The following ACRBP variants were observed in gnomAD, a reference collection of about 807,000 sequenced individuals.
ACRBP encodes acrosin binding protein, also known as acrosin-binding protein.
In ACRBP, 52 loss-of-function variants were observed where a neutral mutation model predicts 69.0. The observed-to-expected ratio is 0.75, with a 90% confidence interval of 0.60 to 0.95. The LOEUF is 0.95. Among genes scored for constraint, ACRBP ranks in the 40% least tolerant of loss-of-function variants. ACRBP has a pLI of 0.00. For missense variants in ACRBP, 604 were observed against 673.0 expected, an observed-to-expected ratio of 0.90 and a Z score of 1.13; for synonymous variants, 267 against 258.9, an observed-to-expected ratio of 1.03 and a Z score of -0.30.
intron 9 of ACRBP, 136 bp downstream of exon 9, chr12:6,638,818 G>T: frequency 6.6e-7 from 1 of 1,509,348 alleles, no homozygotes; most frequent in Non-Finnish European, 8.8e-7. Context: ...GCTGGTGGAG[G>T]CCTCTGCCCC....
In ACRBP at chr12:6,640,491, G is replaced by A; in HGVS notation, c.1109C>T (p.Ser370Phe). Residue 370 changes from serine to phenylalanine, a missense_variant, in exon 7 of 10, where the codon TCT (serine) becomes TTT (phenylalanine). Physicochemically the swap from Ser to Phe is radical, Grantham distance 155. Around this residue, in one of 3 missense-constraint regions of ACRBP, gnomAD observed 532 missense variants for 562.9 expected, o/e 0.95. Coordinates refer to ENST00000229243, the MANE Select transcript of ACRBP (RefSeq NM_032489.3). The surrounding 1 kb of genome is among the most constrained non-coding windows in gnomAD (Gnocchi z 5.3). ...GCAGAAGTCACAGAGGGCACAGGTA[G>A]ACATGTGTCGCCGCCCAAGGCTGTC... Reference protein sequence around the residue: ...VCDSLGRRHMSTCALCDFCSL... With the variant: ...VCDSLGRRHMFTCALCDFCSL... The A allele has an allele frequency of 1.2e-6, 2 of 1,614,114 alleles. No homozygotes were observed. The highest frequency in any genetic ancestry group is 2.2e-5 in the East Asian group (1 of 44,880).
chr12:6,638,115 G>T lies in ACRBP; in HGVS notation c.*167C>A. On this transcript the variant is annotated 3_prime_UTR_variant, in exon 10 of 10. Transcript: ENST00000229243. ...TATGTAAAGTCATCTTTTAAGGAGGGCGCAGCTCCCACCGTGGCCCTCTCT... is the reference window on the plus strand; with the variant it reads ...TATGTAAAGTCATCTTTTAAGGAGGTCGCAGCTCCCACCGTGGCCCTCTCT... The T allele has an allele frequency of 2.3e-6, 2 of 874,414 alleles. No homozygotes were observed. The highest frequency in any genetic ancestry group is 3.5e-6 in the Non-Finnish European group (2 of 572,040). The allele number at this position is 874,414 out of a possible 1,614,324, so 54.2% of individuals were successfully genotyped here.
chr12:6,646,454 C>A lies in ACRBP; in HGVS notation c.357+29G>T, dbSNP rs1949089702. On this transcript the variant is annotated intron_variant, in intron 3 of 9. Coordinates refer to ENST00000229243, the MANE Select transcript of ACRBP (RefSeq NM_032489.3). ...CCGCCTCTCCCTTGGCCCTGGGGCA[C>A]CAAATCCAACCTTTGTCCTGGGCCT... is the stretch of plus-strand genomic sequence containing the variant. The A allele has an allele frequency of 3.1e-6, 5 of 1,608,156 alleles. No individual in the cohort carries two copies. The East Asian group carries it at 1.1e-4, about 36-fold the overall frequency.
intron 9 of ACRBP, 81 bp downstream of exon 9, chr12:6,638,873 G>C: frequency 1.9e-6 from 3 of 1,595,076 alleles, no homozygotes; most frequent in African/African-American, 1.3e-5. Context: ...GCTGCTCGCA[G>C]AGGGGGCCTC....
intron 5 of ACRBP, 173 bp downstream of exon 5, chr12:6,643,964 G>A (rs1227293023): frequency 1.1e-5 from 14 of 1,288,366 alleles, no homozygotes; most frequent in Non-Finnish European, 1.5e-5. Flanking sequence ...AAGCATTTGA[G>A]CAGTGCTTAA....
chr12:6,647,287 CG>C, intron 1 of ACRBP, 36 bp downstream of exon 1: 1 of 1,539,764 alleles, frequency 6.5e-7, no homozygotes, highest in Non-Finnish European at 8.7e-7. Context: ...AGGACTAGCC[CG>C]GGGAGAGTCT....
rs371593728 is a variant in ACRBP at position 6,640,332 on chromosome 12, G to A, written c.1257+11C>T. ...TCTGCCTTTCCCACTGCGGGCTGCC[G>A]GGCTAGATACCTGGTTGCCGATGGA... On this transcript the variant is annotated intron_variant, in intron 7 of 9. Coordinates refer to ENST00000229243, the MANE Select transcript of ACRBP (RefSeq NM_032489.3). This position sits in a 1 kb window ranked among gnomAD's most constrained non-coding sequence, Gnocchi z 5.3. The A allele has an allele frequency of 6.4e-4, 1,025 of 1,610,184 alleles. No individual in the cohort carries two copies. Among genetic ancestry groups the A allele is most frequent in the Non-Finnish European group, 8.2e-4 (961 of 1,177,974 alleles).
chr12:6,642,332 C>G (rs373988647), intron 6 of ACRBP, among the ~76,000 whole-genome samples: 9 of 152,170 alleles, frequency 5.9e-5, no homozygotes, highest in African/African-American at 2.2e-4. Context: ...ACATTTAGGT[C>G]TTTGATCCAT....
intron 9 of ACRBP, 198 bp downstream of exon 9, chr12:6,638,756 C>T (rs767018306): frequency 1.5e-4 from 214 of 1,437,200 alleles, no homozygotes; most frequent in Admixed American, 3.4e-4. Context: ...TATCCACCAG[C>T]TGCCTAGGAG....
In ACRBP at chr12:6,638,318, C is replaced by T; in HGVS notation, c.1596G>A (p.Gln532=). The part of the protein sequence containing the change: ...KSEDVVLRWS[Q]EFSTLTLGQF... ...GGCCTAGAGTCAAGGTGCTGAACTC[C>T]TGGCTCCATCGAAGCACAACGTCCT... The change falls in exon 10 of 10, where the codon CAG becomes CAA. Residue 532 remains glutamine, a synonymous_variant. Coordinates refer to ENST00000229243, the MANE Select transcript of ACRBP (RefSeq NM_032489.3). 1.9e-6 allele frequency: 3 copies of T among 1,614,160 alleles called. No homozygotes were observed. The highest frequency in any genetic ancestry group is 1.3e-5 in the African/African-American group (1 of 75,038).
At chr12:6,645,477 C>G (rs1230374672) in intron 3 of ACRBP, 140 bp from the exon 4 acceptor site, 2 of 658,190 alleles carry the variant, frequency 3.0e-6, no homozygotes, top group Non-Finnish European at 5.3e-6. Flanking sequence ...CTGCTGGAAC[C>G]CTCTAGACCT....
chr12:6,638,943 G>A lies in ACRBP; in HGVS notation c.1509+11C>T. ...TGCTGGGAGAAGGAGGGGCAGGGCA[G>A]GGGTGCTCACCTTCCGATTGCGGTT... On this transcript the variant is annotated intron_variant, in intron 9 of 9. Coordinates refer to ENST00000229243, the MANE Select transcript of ACRBP (RefSeq NM_032489.3). The A allele has an allele frequency of 1.9e-6, 3 of 1,613,352 alleles. No individual in the cohort carries two copies. The highest frequency in any genetic ancestry group is 1.1e-5 in the South Asian group (1 of 91,050).
At position 6,647,316 on chromosome 12, in the gene ACRBP, C is replaced by T. The variant is rs1251694688; in HGVS notation, c.43+8G>A. ...GAGAGTCTGTTGGAGCAGGTGTAAACCTCTCACCCTTCAGGAGTGAGGGAA... is the reference window on the plus strand; with the variant it reads ...GAGAGTCTGTTGGAGCAGGTGTAAATCTCTCACCCTTCAGGAGTGAGGGAA... On this transcript the variant is annotated splice_region_variant and intron_variant, in intron 1 of 9. Transcript: ENST00000229243. 1 of 1,554,246 alleles carries T rather than the reference C, an allele frequency of 6.4e-7. No individual in the cohort carries two copies. Among genetic ancestry groups the T allele is most frequent in the Admixed American group, 2.0e-5 (1 of 48,972 alleles).
Position 6,644,157 on chromosome 12 carries a change from C to A in ACRBP, c.924G>T (p.Trp308Cys). Residue 308 changes from tryptophan (W) to cysteine (C), a missense_variant, in exon 5 of 10, where the codon TGG (tryptophan) becomes TGT (cysteine). This residue lies in a region of ACRBP where 532 missense variants were observed against 562.9 expected (regional missense o/e 0.95). Coordinates refer to ENST00000229243, the MANE Select transcript of ACRBP (RefSeq NM_032489.3). The part of the protein sequence containing the change: ...MNEIYDENSY[W>C]RNQNPGSLLQ... ...TATACCTGCCAGGGTTTTGGTTTCT[C>A]CAGTAGGAGTTCTCATCATATATTT... is the stretch of plus-strand genomic sequence containing the variant. 6.3e-7 allele frequency: 1 copy of A among 1,594,928 alleles called. No individual in the cohort carries two copies. Among genetic ancestry groups the A allele is most frequent in the South Asian group, 1.1e-5 (1 of 88,964 alleles).
Position 6,644,377 on chromosome 12 carries a change from C to T in ACRBP, c.704G>A (p.Gly235Glu), listed in dbSNP as rs761135961. 3 of 1,613,928 alleles carry T rather than the reference C, an allele frequency of 1.9e-6. No homozygotes were observed. The highest frequency in any genetic ancestry group is 2.5e-6 in the Non-Finnish European group (3 of 1,179,920). Residue 235 changes from glycine to glutamate, a missense_variant, in exon 5 of 10, where the codon GGA becomes GAA. By Grantham distance (98) the Gly-to-Glu change is moderately conservative. Coordinates refer to ENST00000229243, the MANE Select transcript of ACRBP (RefSeq NM_032489.3). ...EQEEEGKQEE[G>E]QGTKEGREAV... ...CTCCCGTCCCTCCTTAGTCCCCTGT[C>T]CTTCTTCCTGCTTTCCCTCCTCTTC...
In ACRBP at chr12:6,638,168, G is replaced by A; in HGVS notation, c.*114C>T. 6.9e-7 allele frequency: 1 copy of A among 1,458,916 alleles called. No individual in the cohort carries two copies. The highest frequency in any genetic ancestry group is 9.3e-7 in the Non-Finnish European group (1 of 1,071,594). The allele number at this position is 1,458,916 out of a possible 1,614,324, so 90.4% of individuals were successfully genotyped here. ...GACTGTTGCTCCAACCCAAGGAAAT[G>A]TGAGTAGGGGCCGAGTAACAGACCC... On this transcript the variant is annotated 3_prime_UTR_variant, in exon 10 of 10. Transcript: ENST00000229243.
At chr12:6,645,767 T>C (rs1949083461) in intron 3 of ACRBP, among the ~76,000 whole-genome samples, 1 of 151,448 alleles carries the variant, frequency 6.6e-6, no homozygotes, top group Non-Finnish European at 1.5e-5. Context: ...TTCACGCCAT[T>C]CTCCTGCCTC....
In ACRBP at chr12:6,647,351, C is replaced by G; in HGVS notation, c.16G>C (p.Ala6Pro). 6.5e-7 allele frequency: 1 copy of G among 1,542,544 alleles called. No homozygotes were observed. The highest frequency in any genetic ancestry group is 1.2e-5 in the South Asian group (1 of 83,526). Residue 6 changes from alanine to proline, a missense_variant, in exon 1 of 10, where the codon GCT becomes CCT. This residue lies in a region of ACRBP where 532 missense variants were observed against 562.9 expected (regional missense o/e 0.95). Coordinates refer to ENST00000229243, the MANE Select transcript of ACRBP (RefSeq NM_032489.3). ...TTCAGGAGTGAGGGAAGGAAGCCAG[C>G]GGCTGGCTTCCTCATGGCCGGAGAA... MRKPAAGFLPSLLKVL... is the reference protein window; with the variant it reads MRKPAPGFLPSLLKVL...
chr12:6,646,617 A>T, intron 2 of ACRBP, 40 bp from the exon 3 acceptor site: 2 of 1,591,066 alleles, frequency 1.3e-6, no homozygotes, highest in South Asian at 1.1e-5. Context: ...ACCCGTGGGG[A>T]GCTTGGGGTG....
Sources: gnomAD v4.1 joint callset for allele counts (sites outside exome capture counted in the v4.1 genomes callset) on GRCh38, gnomAD v4.1.1 for gene constraint, gnomAD v4.1.1 regional missense constraint, Gnocchi (gnomAD v3.1) non-coding constraint, MANE v1.5 for transcripts, NCBI Gene and HGNC (gene_info 2026-07-23, HGNC 2026-07-21) for gene names.